Variants in TNFSF4 observed in about 807,000 individuals in gnomAD.
TNFSF4 encodes TNF superfamily member 4.
A neutral mutation model predicts 7.3 loss-of-function variants in TNFSF4; 4 were observed. The ratio of observed to expected loss-of-function variants is 0.55; its 90% confidence interval spans 0.27 to 1.25. The LOEUF is 1.25. Ranked by LOEUF, TNFSF4 falls within the 50% of genes most tolerant of loss-of-function variation. The pLI, the probability that TNFSF4 is intolerant of heterozygous loss-of-function variation, is 0.12. For missense variants in TNFSF4, 181 were observed against 208.8 expected (o/e 0.87, Z 0.82); for synonymous variants, 76 against 83.7 (o/e 0.91, Z 0.50).
chr1:173,344,536 T>C, the TNFSF4 span, among the ~76,000 whole-genome samples: 4 of 152,198 alleles, frequency 2.6e-5, no homozygotes, highest in Non-Finnish European at 4.4e-5. Flanking sequence ...GCAATATCAT[T>C]TGGCTTCCTT....
intron 1 of TNFSF4, among the ~76,000 whole-genome samples, chr1:173,193,499 C>T (rs1423153729): frequency 2.6e-5 from 4 of 152,112 alleles, no homozygotes; most frequent in Non-Finnish European, 4.4e-5. Context: ...AATTAAGGCT[C>T]ACAGAAGTGA....
At chr1:173,250,483 G>T in the TNFSF4 span, among the ~76,000 whole-genome samples, 1 of 146,014 alleles carries the variant, frequency 6.8e-6, no homozygotes. Context: ...TTTTTGAGAC[G>T]GAGTCTCGCT....
chr1:173,399,622 A>T, the TNFSF4 span, among the ~76,000 whole-genome samples: 1 of 152,010 alleles, frequency 6.6e-6, no homozygotes, highest in African/African-American at 2.4e-5. Flanking sequence ...AAAAAAAAAA[A>T]GTGAACATAT....
At chr1:173,177,643 G>T in the TNFSF4 span, among the ~76,000 whole-genome samples, 1 of 152,088 alleles carries the variant, frequency 6.6e-6, no homozygotes, top group Non-Finnish European at 1.5e-5. Context: ...GTTAGCAATT[G>T]CAGTTTTCAG....
the TNFSF4 span, among the ~76,000 whole-genome samples, chr1:173,229,981 A>C: frequency 6.6e-6 from 1 of 152,140 alleles, no homozygotes; most frequent in Non-Finnish European, 1.5e-5. Flanking sequence ...AACAATAATA[A>C]TGGGAGACGT....
the TNFSF4 span, among the ~76,000 whole-genome samples, chr1:173,349,036 A>T: frequency 7.2e-5 from 11 of 151,890 alleles, no homozygotes; most frequent in African/African-American, 2.4e-4. Context: ...TATTATTATT[A>T]TTATTTTTTT....
At chr1:173,227,216 A>T in the TNFSF4 span, among the ~76,000 whole-genome samples, 2 of 152,080 alleles carry the variant, frequency 1.3e-5, no homozygotes, top group Admixed American at 6.5e-5. Context: ...AATCTAATTA[A>T]TGCCACTCCC....
chr1:173,315,319 A>T, the TNFSF4 span, among the ~76,000 whole-genome samples: 1 of 152,156 alleles, frequency 6.6e-6, no homozygotes, highest in African/African-American at 2.4e-5. Context: ...TCCCTATTTC[A>T]ATCCCCATAA....
the TNFSF4 span, among the ~76,000 whole-genome samples, chr1:173,381,204 A>G: frequency 2.0e-5 from 3 of 151,840 alleles, no homozygotes; most frequent in Non-Finnish European, 4.4e-5. Flanking sequence ...TCCCAAATAG[A>G]CTCTTTGGCA....
At chr1:173,253,401 C>T in the TNFSF4 span, among the ~76,000 whole-genome samples, 4 of 152,304 alleles carry the variant, frequency 2.6e-5, no homozygotes, top group South Asian at 6.2e-4. Context: ...AGTGACTCTG[C>T]CCCATGCCGT....
chr1:173,185,840 T>G lies in TNFSF4; in HGVS notation c.*676A>C, dbSNP rs561825395. On this transcript the variant is annotated 3_prime_UTR_variant, in exon 3 of 3. Transcript: ENST00000281834. ...CCCAGACAGTTCTTTGAAGGGAAAT[T>G]TCTATTAACTATGTTTGGAGGCTGG... 97 of 152,256 alleles carry G rather than the reference T, an allele frequency of 6.4e-4. No individual in the cohort carries two copies. Among genetic ancestry groups the G allele is most frequent in the African/African-American group, 2.2e-3 (93 of 41,546 alleles). The allele number at this position is 152,256 out of a possible 1,614,324, so 9.4% of individuals were successfully genotyped here.
At chr1:173,293,296 T>C in the TNFSF4 span, among the ~76,000 whole-genome samples, 1 of 151,996 alleles carries the variant, frequency 6.6e-6, no homozygotes, top group Non-Finnish European at 1.5e-5. Flanking sequence ...CGGAACTGCA[T>C]AGAAAACTTT....
chr1:173,282,295 C>T, the TNFSF4 span, among the ~76,000 whole-genome samples: 1 of 151,682 alleles, frequency 6.6e-6, no homozygotes, highest in Non-Finnish European at 1.5e-5. Context: ...ACCAAAATAT[C>T]ATATGCACCC....
At chr1:173,205,180 A>T in intron 1 of TNFSF4, 1 of 1,138,330 alleles carries the variant, frequency 8.8e-7, no homozygotes, top group South Asian at 1.8e-5. Flanking sequence ...TCCTGAGCAA[A>T]AAAAAGAAAT....
the TNFSF4 span, among the ~76,000 whole-genome samples, chr1:173,370,427 C>T: frequency 6.6e-6 from 1 of 152,080 alleles, no homozygotes; most frequent in African/African-American, 2.4e-5. Context: ...CGACTGGAGT[C>T]ACAAAAATCT....
At chr1:173,397,537 C>T in the TNFSF4 span, among the ~76,000 whole-genome samples, 1 of 152,148 alleles carries the variant, frequency 6.6e-6, no homozygotes, top group Non-Finnish European at 1.5e-5. Context: ...TGGAATTTAG[C>T]TCAGTTCATC....
upstream of TNFSF4, among the ~76,000 whole-genome samples, chr1:173,208,202 T>A (rs1323005692): frequency 6.6e-6 from 1 of 152,172 alleles, no homozygotes; most frequent in Non-Finnish European, 1.5e-5. Flanking sequence ...ATAAAATTAC[T>A]TATAATGTAA....
the TNFSF4 span, among the ~76,000 whole-genome samples, chr1:173,397,882 AC>A: frequency 6.6e-6 from 1 of 152,262 alleles, no homozygotes; most frequent in South Asian, 2.1e-4. Flanking sequence ...CATTCAACTC[AC>A]CTATTTGGTC....
the TNFSF4 span, among the ~76,000 whole-genome samples, chr1:173,222,689 T>C: frequency 6.6e-6 from 1 of 152,164 alleles, no homozygotes; most frequent in Non-Finnish European, 1.5e-5. Flanking sequence ...TGAACTACAA[T>C]GAAAAATGAG....
Sources: gnomAD v4.1 joint callset for allele counts (sites outside exome capture counted in the v4.1 genomes callset) on GRCh38, gnomAD v4.1.1 for gene constraint, MANE v1.5 for transcripts, NCBI Gene and HGNC (gene_info 2026-07-23, HGNC 2026-07-21) for gene names.